Variants in PLEKHA8 observed in about 807,000 individuals in gnomAD.
PLEKHA8 encodes the protein pleckstrin homology domain containing A8.
In PLEKHA8, 36 loss-of-function variants were observed where a neutral mutation model predicts 68.2. The ratio of observed to expected loss-of-function variants is 0.53; its 90% CI spans 0.40 to 0.70. The LOEUF (loss-of-function observed/expected upper bound fraction) is 0.70, where lower values mean the gene tolerates loss of function less well. Among genes scored for constraint, PLEKHA8 ranks in the 30% least tolerant of loss-of-function variants. The probability of loss-of-function intolerance (pLI) is 0.00; values close to 1 mark genes in which losing one functional copy is unlikely to be tolerated. For missense variants in PLEKHA8, 505 were observed against 615.4 expected, an observed-to-expected ratio of 0.82 and a Z score of 1.90; for synonymous variants, 211 against 216.1, an observed-to-expected ratio of 0.98 and a Z score of 0.20.
intron 13 of PLEKHA8, among the ~76,000 whole-genome samples, chr7:30,095,825 A>G (rs1795593664): frequency 6.6e-6 from 1 of 152,204 alleles, no homozygotes; most frequent in African/African-American, 2.4e-5. Flanking sequence ...GTCAAAGATC[A>G]TATAGTTGTA....
chr7:30,079,693 C>T lies in PLEKHA8; in HGVS notation c.*906C>T. The T allele has an allele frequency of 2.1e-6, 1 of 470,822 alleles. No homozygotes were observed. The highest frequency in any genetic ancestry group is 2.8e-6 in the Non-Finnish European group (1 of 359,862). The allele number at this position is 470,822 out of a possible 1,614,324, so 29.2% of individuals were successfully genotyped here. On this transcript the variant is annotated 3_prime_UTR_variant, in exon 14 of 14. Coordinates refer to ENST00000449726, the MANE Select transcript of PLEKHA8 (RefSeq NM_001197026.2). ...AGTGTGACCTGGACTGCCTCTGCAT[C>T]AAAGTCATATGGAGTGCTTGTTCAA...
intron 9 of PLEKHA8, among the ~76,000 whole-genome samples, chr7:30,057,424 A>G (rs1793081068): frequency 6.7e-6 from 1 of 150,136 alleles, no homozygotes; most frequent in African/African-American, 2.4e-5. Context: ...TCACTCTCTT[A>G]TGGATGGACT....
chr7:30,080,400 G>T lies in PLEKHA8; in HGVS notation c.*1613G>T. 4 of 985,240 alleles carry T rather than the reference G, an allele frequency of 4.1e-6. No individual in the cohort carries two copies. The highest frequency in any genetic ancestry group is 4.8e-6 in the Non-Finnish European group (4 of 829,892). 61.0% of individuals were successfully genotyped at this position (985,240 alleles called of 1,614,324 possible). Reference sequence around the variant, plus strand: ...TTCCAGCATGAGGTAGTTATCCAGGGTAGAAGGTCCTTTGAGGGGCTTGGT... The same window carrying T: ...TTCCAGCATGAGGTAGTTATCCAGGTTAGAAGGTCCTTTGAGGGGCTTGGT... On this transcript the variant is annotated 3_prime_UTR_variant, in exon 14 of 14. Transcript: ENST00000449726.
intron 13 of PLEKHA8, among the ~76,000 whole-genome samples, chr7:30,108,522 G>A (rs1796154781): frequency 1.3e-5 from 2 of 152,018 alleles, no homozygotes; most frequent in African/African-American, 4.8e-5. Flanking sequence ...TTTTAGTATG[G>A]AGGGTAGATT....
At chr7:30,105,470 C>T (rs569148238) in intron 13 of PLEKHA8, among the ~76,000 whole-genome samples, 91 of 151,958 alleles carry the variant, frequency 6.0e-4, no homozygotes, top group African/African-American at 2.0e-3. Flanking sequence ...GGAGACAGAG[C>T]GAAATCTTGT....
At chr7:30,056,370 T>A (rs1023039702) in intron 9 of PLEKHA8, among the ~76,000 whole-genome samples, 8 of 113,918 alleles carry the variant, frequency 7.0e-5, no homozygotes, top group African/African-American at 2.4e-4. Flanking sequence ...CATATATATA[T>A]AAATAACATA....
chr7:30,056,341 AT>A (rs1792911453), intron 9 of PLEKHA8, among the ~76,000 whole-genome samples: 1 of 127,540 alleles, frequency 7.8e-6, no homozygotes, highest in African/African-American at 3.0e-5. Flanking sequence ...TAAATAACAT[AT>A]ATATAATATA....
rs1403374186 is a variant in PLEKHA8, at chr7:30,084,239, A to G, written c.*5452A>G. The G allele has an allele frequency of 1.0e-6, 1 of 985,192 alleles. No homozygotes were observed. Among genetic ancestry groups the G allele is most frequent in the Non-Finnish European group, 1.2e-6 (1 of 829,808 alleles). 61.0% of individuals were successfully genotyped at this position (985,192 alleles called of 1,614,324 possible). A position where few individuals can be genotyped will look rare whatever the true frequency, so the allele number is the denominator to read the frequency against. On this transcript the variant is annotated 3_prime_UTR_variant, in exon 14 of 14. Coordinates refer to ENST00000449726, the MANE Select transcript of PLEKHA8 (RefSeq NM_001197026.2). ...ATTTCCTTGGATTAATTTTTAAGTC[A>G]CTGTTTAATTCCATGCCTAGTATTC...
At chr7:30,046,514 G>A in intron 3 of PLEKHA8, 149 bp downstream of exon 3, 1 of 931,008 alleles carries the variant, frequency 1.1e-6, no homozygotes, top group South Asian at 2.0e-5. Context: ...TTAAACCAGG[G>A]TCCATATCTA....
At chr7:30,067,595 T>C (rs1793944342) in intron 12 of PLEKHA8, among the ~76,000 whole-genome samples, 1 of 152,262 alleles carries the variant, frequency 6.6e-6, no homozygotes, top group African/African-American at 2.4e-5. Context: ...TCCCATCGTT[T>C]TCCAGAGATC....
intron 3 of PLEKHA8, among the ~76,000 whole-genome samples, chr7:30,047,369 T>C (rs1792041319): frequency 6.6e-6 from 1 of 152,216 alleles, no homozygotes; most frequent in African/African-American, 2.4e-5. Flanking sequence ...GCTGAAATTA[T>C]GAACGGTGTT....
chr7:30,071,442 C>G (rs1265826904), intron 12 of PLEKHA8, among the ~76,000 whole-genome samples: 1 of 152,228 alleles, frequency 6.6e-6, no homozygotes, highest in East Asian at 1.9e-4. Flanking sequence ...TCTGAGAATT[C>G]TTTGTGTCCA....
At chr7:30,032,334 T>C (rs997621859) in intron 1 of PLEKHA8, among the ~76,000 whole-genome samples, 3 of 152,236 alleles carry the variant, frequency 2.0e-5, no homozygotes, top group Admixed American at 6.5e-5. Flanking sequence ...CCTTAGTATC[T>C]TCCTCCATTT....
intron 12 of PLEKHA8, chr7:30,090,142 C>G: frequency 6.5e-7 from 1 of 1,550,002 alleles, no homozygotes. Flanking sequence ...AAAGAGTGCA[C>G]TATGTTGTAG....
chr7:30,063,175 C>T (rs903242093), intron 12 of PLEKHA8, among the ~76,000 whole-genome samples: 2 of 152,190 alleles, frequency 1.3e-5, no homozygotes, highest in Non-Finnish European at 2.9e-5. Context: ...TCGTCGTCGT[C>T]GTGTAACTCC....
Position 30,082,576 on chromosome 7 carries a change from T to C in PLEKHA8, c.*3789T>C. On this transcript the variant is annotated 3_prime_UTR_variant, in exon 14 of 14. Transcript: ENST00000449726. ...GAGTGCAGCGGAAAAAAATTTGCAC[T>C]CTTCTCCTTTTGGTTATTACTTTCC... 1.0e-6 allele frequency: 1 copy of C among 985,378 alleles called. No homozygotes were observed. 61.0% of individuals were successfully genotyped at this position (985,378 alleles called of 1,614,324 possible). A position where few individuals can be genotyped will look rare whatever the true frequency, so the allele number is the denominator to read the frequency against.
downstream of PLEKHA8, among the ~76,000 whole-genome samples, chr7:30,094,410 G>A (rs1335491356): frequency 6.6e-6 from 1 of 151,566 alleles, no homozygotes; most frequent in East Asian, 1.9e-4. Context: ...GAGTAGCTAG[G>A]ATTATAGGCG....
At chr7:30,101,814 T>C (rs773071088) in intron 13 of PLEKHA8, among the ~76,000 whole-genome samples, 2 of 152,218 alleles carry the variant, frequency 1.3e-5, no homozygotes, top group Non-Finnish European at 2.9e-5. Flanking sequence ...AAAGATCTGA[T>C]ATTGGTAAGA....
In PLEKHA8 at chr7:30,028,484, C is replaced by G. The variant is rs985523704; in HGVS notation, c.-279C>G. ...TGGAGGCTTCGGCTGCCCCTCCGAC[C>G]CACGTAGGGCCCGGACCCGGGCCTC... On this transcript the variant is annotated 5_prime_UTR_variant, in exon 1 of 14. Transcript: ENST00000449726. 1 of 345,324 alleles carries G rather than the reference C, an allele frequency of 2.9e-6. No individual in the cohort carries two copies. The highest frequency in any genetic ancestry group is 2.1e-5 in the African/African-American group (1 of 46,830). The allele number at this position is 345,324 out of a possible 1,614,324, so 21.4% of individuals were successfully genotyped here.
Sources: allele counts gnomAD v4.1 joint callset (sites outside exome capture counted in the v4.1 genomes callset), GRCh38; gene constraint gnomAD v4.1.1; transcripts MANE v1.5; gene names NCBI Gene and HGNC (gene_info 2026-07-23, HGNC 2026-07-21).